Variants in MTAP observed in about 807,000 individuals in gnomAD.
MTAP encodes the protein S-methyl-5'-thioadenosine phosphorylase.
Under a neutral mutation model 33.6 loss-of-function variants are expected in MTAP, and 33 were observed. That is an observed-to-expected ratio of 0.98 (90% confidence interval 0.74 to 1.31). The LOEUF is 1.31. Ranked by LOEUF, MTAP falls within the 40% of genes most tolerant of loss-of-function variation. The pLI, the probability that MTAP is intolerant of heterozygous loss-of-function variation, is 0.00. For synonymous variants in MTAP, 148 were observed against 125.7 expected, an observed-to-expected ratio of 1.18 and a Z score of -1.19; for missense variants, 367 against 360.0, an observed-to-expected ratio of 1.02 and a Z score of -0.16.
intron 4 of MTAP, among the ~76,000 whole-genome samples, chr9:21,828,277 C>G (rs889411306): frequency 1.3e-5 from 2 of 152,188 alleles, no homozygotes; most frequent in African/African-American, 4.8e-5. Flanking sequence ...ATGTGTTAAC[C>G]TTCTCAGTAA....
At chr9:21,812,679 G>C (rs972524696) in intron 1 of MTAP, among the ~76,000 whole-genome samples, 1 of 152,202 alleles carries the variant, frequency 6.6e-6, no homozygotes, top group South Asian at 2.1e-4. Context: ...CAGATACCTG[G>C]AGTCACTGTT....
At chr9:21,939,088 G>C (rs567101420), downstream of MTAP, among the ~76,000 whole-genome samples, 2 of 152,160 alleles carry the variant, frequency 1.3e-5, no homozygotes, top group Non-Finnish European at 2.9e-5. Context: ...TCGTGATAGT[G>C]AATAGGTCTC....
intron 1 of MTAP, among the ~76,000 whole-genome samples, chr9:21,885,810 G>GTGTA (rs1464245708): frequency 6.7e-6 from 1 of 149,458 alleles, no homozygotes; most frequent in East Asian, 1.9e-4. Context: ...GTGTGTGTGT[G>GTGTA]TGTGTGTGTG....
intron 4 of MTAP, among the ~76,000 whole-genome samples, chr9:21,824,953 C>T (rs1317977440): frequency 5.3e-5 from 8 of 152,166 alleles, no homozygotes; most frequent in African/African-American, 2.4e-5. Context: ...GTTGGAAAAG[C>T]ACAGTATTAG....
chr9:21,818,346 G>T lies in MTAP; in HGVS notation c.347+144G>T, dbSNP rs113432562. 3.2e-5 allele frequency: 18 copies of T among 559,366 alleles called. 1 individual carries two copies. In the African/African-American group the frequency reaches 3.9e-4, roughly 12 times the overall value. The allele number at this position is 559,366 out of a possible 1,614,324, so 34.7% of individuals were successfully genotyped here. On this transcript the variant is annotated intron_variant, in intron 4 of 7. Transcript: ENST00000644715. Reference sequence around the variant, plus strand: ...TTTTTTTTTTTTTTTTTTTTTTTTGGAGACGGAGCCTCACTCTGTCTCCCA... The same window carrying T: ...TTTTTTTTTTTTTTTTTTTTTTTTGTAGACGGAGCCTCACTCTGTCTCCCA...
intron 1 of MTAP, among the ~76,000 whole-genome samples, chr9:21,909,904 C>T (rs1818542529): frequency 6.6e-6 from 1 of 152,086 alleles, no homozygotes; most frequent in Non-Finnish European, 1.5e-5. Flanking sequence ...AGTGGCATAA[C>T]CAGAATTCAG....
In MTAP at chr9:21,817,968, G is replaced by A; in HGVS notation, c.180-67G>A. On this transcript the variant is annotated intron_variant, in intron 3 of 7. Coordinates refer to ENST00000644715, the MANE Select transcript of MTAP (RefSeq NM_002451.4). The stretch of plus-strand genomic sequence containing the variant: ...CTAGAGAATCACTTAATTTTTTCTA[G>A]ACTCTAGGAGAAAACAGTTGGTGGT... 2.1e-6 allele frequency: 3 copies of A among 1,437,598 alleles called. No homozygotes were observed. In the South Asian group the frequency reaches 4.4e-5, roughly 21 times the overall value. 89.1% of individuals were successfully genotyped at this position (1,437,598 alleles called of 1,614,324 possible).
intron 5 of MTAP, among the ~76,000 whole-genome samples, chr9:21,839,321 G>A (rs1825187621): frequency 6.6e-6 from 1 of 152,064 alleles, no homozygotes; most frequent in African/African-American, 2.4e-5. Context: ...TGCTATCCTG[G>A]GGGAAATGAA....
intron 1 of MTAP, among the ~76,000 whole-genome samples, chr9:21,895,820 A>G: frequency 6.6e-6 from 1 of 152,150 alleles, no homozygotes; most frequent in East Asian, 1.9e-4. Context: ...GGAAGCTCCA[A>G]CTGGGTGGAG....
At position 21,854,168 on chromosome 9, in the gene MTAP, G is replaced by T. The variant is rs2118507512; in HGVS notation, c.451-463G>T. Among the ~76,000 whole-genome samples, 3 of 152,274 alleles carry T rather than the reference G, an allele frequency of 2.0e-5. No homozygotes were observed. In the Middle Eastern group the frequency reaches 0.01, roughly 518 times the overall value. ...GTCTTCAGATTCTGTATTTTTAAAA[G>T]TAATGAGAATTAACTTTTCAGAAGC... is the stretch of plus-strand genomic sequence containing the variant. On this transcript the variant is annotated intron_variant, in intron 5 of 7. Coordinates refer to ENST00000644715, the MANE Select transcript of MTAP (RefSeq NM_002451.4).
intron 4 of MTAP, 71 bp downstream of exon 4, chr9:21,818,273 G>A: frequency 7.0e-7 from 1 of 1,434,674 alleles, no homozygotes; most frequent in South Asian, 1.2e-5. Context: ...CGACGCGTGG[G>A]AACCGGCAGG....
chr9:21,860,357 A>C (rs1263467606), intron 7 of MTAP: 5 of 152,214 alleles, frequency 3.3e-5, no homozygotes, highest in Admixed American at 3.3e-4. Context: ...AGTGATACAC[A>C]CAGCTCTTGC....
intron 1 of MTAP, among the ~76,000 whole-genome samples, chr9:21,875,322 TTGA>T (rs1367104744): frequency 2.0e-5 from 3 of 152,198 alleles, no homozygotes; most frequent in Non-Finnish European, 2.9e-5. Flanking sequence ...CATGGTGGTT[TTGA>T]TTAGCATTTC....
At chr9:21,890,449 C>G (rs1418913174) in intron 1 of MTAP, among the ~76,000 whole-genome samples, 1 of 152,174 alleles carries the variant, frequency 6.6e-6, no homozygotes, top group Admixed American at 6.5e-5. Context: ...ATTGATCTCT[C>G]ACTTCTGGAT....
At chr9:21,904,935 G>A (rs1361409840) in intron 1 of MTAP, among the ~76,000 whole-genome samples, 1 of 152,162 alleles carries the variant, frequency 6.6e-6, no homozygotes, top group East Asian at 1.9e-4. Flanking sequence ...ATGTGACGGG[G>A]TGTGGCTCAC....
chr9:21,897,244 G>A (rs1447249496), intron 1 of MTAP, among the ~76,000 whole-genome samples: 2 of 152,128 alleles, frequency 1.3e-5, no homozygotes, highest in African/African-American at 4.8e-5. Flanking sequence ...AATGATAAGA[G>A]CTATTTATGA....
chr9:21,880,861 C>A (rs1279152088), intron 1 of MTAP, among the ~76,000 whole-genome samples: 1 of 151,924 alleles, frequency 6.6e-6, no homozygotes, highest in African/African-American at 2.4e-5. Context: ...TCAACACAAT[C>A]CCTATAAAAA....
At chr9:21,816,585 C>A in intron 2 of MTAP, 129 bp from the exon 3 acceptor site, 2 of 711,326 alleles carry the variant, frequency 2.8e-6, no homozygotes, top group Non-Finnish European at 4.7e-6. Context: ...ATAATCAGAT[C>A]TTGCCTCTTC....
At chr9:21,811,006 C>T (rs567650638) in intron 1 of MTAP, among the ~76,000 whole-genome samples, 6 of 152,170 alleles carry the variant, frequency 3.9e-5, no homozygotes, top group Admixed American at 3.3e-4. Context: ...ATGAGGGCCT[C>T]CGTCTGCTGT....
Sources: gnomAD v4.1 joint callset for allele counts (sites outside exome capture counted in the v4.1 genomes callset) on GRCh38, gnomAD v4.1.1 for gene constraint, MANE v1.5 for transcripts, NCBI Gene and HGNC (gene_info 2026-07-23, HGNC 2026-07-21) for gene names.